TIAM2: variants seen among roughly 807,000 people sequenced by gnomAD.
TIAM2 encodes TIAM Rac1 associated GEF 2.
TIAM2 carries 80 observed loss-of-function variants against 152.9 expected under a neutral mutation model. The observed-to-expected ratio is 0.52, with a 90% CI of 0.44 to 0.63. TIAM2 has a LOEUF of 0.63. Among genes scored for constraint, TIAM2 ranks in the 30% least tolerant of loss-of-function variants. The pLI, the probability that TIAM2 is intolerant of heterozygous loss-of-function variation, is 0.00. For missense variants in TIAM2, 1,965 were observed against 2,120.1 expected, an observed-to-expected ratio of 0.93 and a Z score of 1.44; for synonymous variants, 804 against 838.0, an observed-to-expected ratio of 0.96 and a Z score of 0.70.
At chr6:154,998,029 G>A (rs1453924229) in intron 1 of TIAM2, among the ~76,000 whole-genome samples, 1 of 152,138 alleles carries the variant, frequency 6.6e-6, no homozygotes. Flanking sequence ...ATCTGCTTCA[G>A]TTTGCTTTAT....
intron 14 of TIAM2, among the ~76,000 whole-genome samples, chr6:155,196,462 A>G (rs745498437): frequency 2.6e-5 from 4 of 152,172 alleles, no homozygotes; most frequent in African/African-American, 4.8e-5. Context: ...TTTAAAAGGC[A>G]TATTGGTCTT....
At chr6:155,048,120 T>A (rs547427569) in intron 1 of TIAM2, among the ~76,000 whole-genome samples, 1 of 152,180 alleles carries the variant, frequency 6.6e-6, no homozygotes, top group East Asian at 1.9e-4. Context: ...AGCCACCTAA[T>A]ACTTATTTTT....
chr6:155,219,160 G>A (rs905287985), intron 15 of TIAM2, among the ~76,000 whole-genome samples: 3 of 152,020 alleles, frequency 2.0e-5, no homozygotes, highest in Non-Finnish European at 4.4e-5. Flanking sequence ...ACTAGAAACC[G>A]AAAGCTGTAA....
At chr6:155,068,604 C>CCCG (rs1777761100) in intron 1 of TIAM2, among the ~76,000 whole-genome samples, 1 of 147,320 alleles carries the variant, frequency 6.8e-6, no homozygotes, top group African/African-American at 2.5e-5. Flanking sequence ...AGGCACCCGC[C>CCCG]CCCCCATCAC....
intron 1 of TIAM2, among the ~76,000 whole-genome samples, chr6:155,083,278 G>T (rs780486349): frequency 1.3e-5 from 2 of 151,466 alleles, no homozygotes; most frequent in Admixed American, 1.3e-4. Flanking sequence ...GAACCCTGGA[G>T]GCAGAGGTTA....
intron 2 of TIAM2, among the ~76,000 whole-genome samples, chr6:155,111,064 A>G (rs181770924): frequency 6.6e-6 from 1 of 152,212 alleles, no homozygotes; most frequent in South Asian, 2.1e-4. Context: ...TTTTAAAGAC[A>G]AAAGCTAGAA....
intron 14 of TIAM2, among the ~76,000 whole-genome samples, chr6:155,208,151 A>G (rs1781636683): frequency 6.6e-6 from 1 of 152,166 alleles, no homozygotes; most frequent in African/African-American, 2.4e-5. Context: ...TGTGGATCAT[A>G]TGTCCTATTT....
chr6:155,176,353 C>T (rs1202787221), intron 9 of TIAM2, among the ~76,000 whole-genome samples: 3 of 152,236 alleles, frequency 2.0e-5, no homozygotes, highest in African/African-American at 7.2e-5. Context: ...TCTGCCTCAG[C>T]TTCCCAAGTA....
Position 155,183,334 on chromosome 6 carries a change from C to G in TIAM2, c.2898C>G (p.Val966=), listed in dbSNP as rs371630758. The G allele has an allele frequency of 1.9e-6, 3 of 1,614,184 alleles. No individual in the cohort carries two copies. The South Asian group carries it at 3.3e-5, about 18-fold the overall frequency. ...AGGCCCTGTTTTCTGAGAAGAGCGTCGGACTCACTCTGATTGCCCGGCCTC... is the reference window on the plus strand; with the variant it reads ...AGGCCCTGTTTTCTGAGAAGAGCGTGGGACTCACTCTGATTGCCCGGCCTC... ...QMEALFSEKS[V]GLTLIARPPD... is the part of the protein sequence containing the mutation. Residue 966 remains valine (V), a synonymous_variant, in exon 14 of 27, where the codon GTC becomes GTG. Coordinates refer to ENST00000682666, the MANE Select transcript of TIAM2 (RefSeq NM_012454.4).
chr6:155,210,172 TG>T (rs1370972314), intron 14 of TIAM2, among the ~76,000 whole-genome samples: 1 of 152,228 alleles, frequency 6.6e-6, no homozygotes, highest in African/African-American at 2.4e-5. Flanking sequence ...TGCTTCCAGT[TG>T]TAGGCTGGAA....
intron 9 of TIAM2, among the ~76,000 whole-genome samples, chr6:155,171,743 T>C (rs1780592270): frequency 6.6e-6 from 1 of 152,250 alleles, no homozygotes; most frequent in African/African-American, 2.4e-5. Context: ...GCTAGCTAGA[T>C]CCATCTTTGT....
At chr6:155,083,365 A>G (rs1013489142) in intron 1 of TIAM2, among the ~76,000 whole-genome samples, 20 of 150,688 alleles carry the variant, frequency 1.3e-4, no homozygotes, top group African/African-American at 4.4e-4. Context: ...AAAAAAAAAA[A>G]AAAGAGAGAG....
intron 1 of TIAM2, among the ~76,000 whole-genome samples, chr6:155,073,287 C>G (rs756495614): frequency 2.0e-5 from 3 of 151,746 alleles, no homozygotes; most frequent in African/African-American, 4.8e-5. Context: ...CTCAGCCTCC[C>G]AAGTAGCTGG....
At chr6:155,144,575 C>A (rs371000453) in intron 5 of TIAM2, 31 bp from the exon 6 acceptor site, 3 of 1,485,626 alleles carry the variant, frequency 2.0e-6, no homozygotes, top group South Asian at 2.9e-5. Context: ...CAGGTCTGAC[C>A]GGGATGTTAT....
intron 1 of TIAM2, among the ~76,000 whole-genome samples, chr6:155,067,924 G>A (rs1583175132): frequency 6.6e-6 from 1 of 152,146 alleles, no homozygotes; most frequent in African/African-American, 2.4e-5. Flanking sequence ...ATACAGGCGT[G>A]CATGACCAAG....
chr6:155,061,255 A>G (rs916873946), intron 1 of TIAM2, among the ~76,000 whole-genome samples: 5 of 151,988 alleles, frequency 3.3e-5, no homozygotes, highest in Non-Finnish European at 5.9e-5. Context: ...ATCACTGACT[A>G]GACTTTATAT....
intron 2 of TIAM2, among the ~76,000 whole-genome samples, chr6:155,096,063 G>A (rs1278086823): frequency 6.6e-6 from 1 of 152,020 alleles, no homozygotes; most frequent in Non-Finnish European, 1.5e-5. Context: ...TTACATAAAA[G>A]TATTATCCGT....
chr6:155,176,454 G>A (rs191660244), intron 9 of TIAM2, among the ~76,000 whole-genome samples: 2 of 152,280 alleles, frequency 1.3e-5, no homozygotes, highest in African/African-American at 2.4e-5. Context: ...GGCTGGTCTC[G>A]AACTCCTGAC....
At chr6:155,075,381 A>G (rs1462789334) in intron 1 of TIAM2, among the ~76,000 whole-genome samples, 2 of 151,232 alleles carry the variant, frequency 1.3e-5, no homozygotes, top group African/African-American at 2.4e-5. Context: ...CCAACTCTTC[A>G]AGACAGCTGT....
Sources: allele counts gnomAD v4.1 joint callset (sites outside exome capture counted in the v4.1 genomes callset), GRCh38; gene constraint gnomAD v4.1.1; transcripts MANE v1.5; gene names NCBI Gene and HGNC (gene_info 2026-07-23, HGNC 2026-07-21).